The following COL15A1 variants were observed in gnomAD, a reference collection of about 807,000 sequenced individuals.
COL15A1 encodes the protein collagen alpha-1(XV) chain.
A neutral mutation model predicts 165.9 loss-of-function variants in COL15A1; 111 were observed. That is an observed-to-expected ratio of 0.67 (90% CI 0.57 to 0.78). The LOEUF is 0.78. Ranked by LOEUF, COL15A1 falls within the 30% of genes least tolerant of loss-of-function variation. The pLI, the probability that COL15A1 is intolerant of heterozygous loss-of-function variation, is 0.00. For synonymous variants in COL15A1, 659 were observed against 674.8 expected (o/e 0.98, Z 0.36); for missense variants, 1,745 against 1,789.7 (o/e 0.98, Z 0.45).
At position 99,022,131 on chromosome 9, in the gene COL15A1, C is replaced by T. The variant is rs1448015357; in HGVS notation, c.1742C>T (p.Ser581Phe). The T allele has an allele frequency of 5.0e-6, 8 of 1,613,980 alleles. No individual in the cohort carries two copies. Among genetic ancestry groups the T allele is most frequent in the African/African-American group, 2.7e-5 (2 of 74,896 alleles). ...GEELPGPPEP[S>F]GPVGPTAGAE... The stretch of plus-strand genomic sequence containing the variant: ...GAGCTTCCTGGCCCTCCTGAACCTT[C>T]TGGGCCTGTTGGACCCACGGTGAGA... The change falls in exon 13 of 42, where the codon TCT becomes TTT. Residue 581 changes from serine to phenylalanine, a missense_variant. Physicochemically the swap from Ser to Phe is radical, Grantham distance 155. Coordinates refer to ENST00000375001, the MANE Select transcript of COL15A1 (RefSeq NM_001855.5).
intron 16 of COL15A1, among the ~76,000 whole-genome samples, chr9:99,028,814 C>A (rs1017484818): frequency 6.6e-6 from 1 of 152,094 alleles, no homozygotes; most frequent in Non-Finnish European, 1.5e-5. Flanking sequence ...AACCAAATAC[C>A]ATCTGTTCCC....
At position 99,003,440 on chromosome 9, in the gene COL15A1, C is replaced by G. The variant is rs935466788; in HGVS notation, c.1066-13C>G. On this transcript the variant is annotated splice_polypyrimidine_tract_variant and intron_variant, in intron 7 of 41. Transcript: ENST00000375001. ...CCCAGAGACATGGTCTCTTGTGATG[C>G]CTTTGTTTTCAGAATTTAGCAGCAA... 2 of 1,477,522 alleles carry G rather than the reference C, an allele frequency of 1.4e-6. No individual in the cohort carries two copies. The highest frequency in any genetic ancestry group is 2.9e-5 in the South Asian group (2 of 69,888). 91.5% of individuals were successfully genotyped at this position (1,477,522 alleles called of 1,614,324 possible).
At chr9:99,024,441 C>G (rs748846821) in intron 14 of COL15A1, among the ~76,000 whole-genome samples, 9 of 151,920 alleles carry the variant, frequency 5.9e-5, no homozygotes, top group Non-Finnish European at 1.2e-4. Context: ...CCGGCCACCA[C>G]GCCCGGCTAA....
chr9:99,023,698 T>C (rs544947474), intron 14 of COL15A1, among the ~76,000 whole-genome samples: 2 of 152,318 alleles, frequency 1.3e-5, no homozygotes, highest in East Asian at 3.9e-4. Context: ...TCACCCCACC[T>C]TCTTCCTTTC....
chr9:99,047,045 C>T (rs1350220098), intron 26 of COL15A1, among the ~76,000 whole-genome samples: 1 of 152,180 alleles, frequency 6.6e-6, no homozygotes, highest in African/African-American at 2.4e-5. Context: ...ACACAGCAGA[C>T]CCAGCTACAG....
chr9:98,971,675 T>C (rs1175116476), intron 2 of COL15A1, among the ~76,000 whole-genome samples: 1 of 152,202 alleles, frequency 6.6e-6, no homozygotes, highest in Non-Finnish European at 1.5e-5. Flanking sequence ...AACCACTGCT[T>C]CTTCCTGAGA....
chr9:99,000,923 G>T lies in COL15A1; in HGVS notation c.1037G>T (p.Gly346Val). ...DPITDSGSGAGAFLDIAEEKN... is the reference protein window; with the variant it reads ...DPITDSGSGAVAFLDIAEEKN... ...ATTACTGACAGCGGCTCAGGGGCTG[G>T]GGCCTTCCTTGACATTGCTGAAGAA... The change falls in exon 7 of 42, where the codon GGG (glycine) becomes GTG (valine). Residue 346 changes from glycine (G) to valine (V), a missense_variant. By Grantham distance (109) the Gly-to-Val change is moderately radical. Coordinates refer to ENST00000375001, the MANE Select transcript of COL15A1 (RefSeq NM_001855.5). 1 of 1,581,744 alleles carries T rather than the reference G, an allele frequency of 6.3e-7. No homozygotes were observed. The highest frequency in any genetic ancestry group is 8.7e-7 in the Non-Finnish European group (1 of 1,150,448).
intron 5 of COL15A1, among the ~76,000 whole-genome samples, chr9:98,989,608 T>A (rs1237450954): frequency 6.6e-6 from 1 of 152,192 alleles, no homozygotes; most frequent in East Asian, 1.9e-4. Context: ...GAATGGTGAT[T>A]CTAATAGCCC....
intron 37 of COL15A1, 39 bp downstream of exon 37, chr9:99,062,138 A>G (rs1825826197): frequency 6.2e-7 from 1 of 1,610,896 alleles, no homozygotes; most frequent in Non-Finnish European, 8.5e-7. Flanking sequence ...GCCTTCAAAT[A>G]CCCTCTAAAA....
chr9:98,943,998 CCGCTA>C lies in COL15A1; in HGVS notation c.-63_-59del. 1 of 1,605,948 alleles carries C rather than the reference CCGCTA, an allele frequency of 6.2e-7. No individual in the cohort carries two copies. Among genetic ancestry groups the C allele is most frequent in the Non-Finnish European group, 8.5e-7 (1 of 1,174,448 alleles). The stretch of plus-strand genomic sequence containing the variant: ...CCAGCGCTCAGCGACCCTTCGTCCT[CCGCTA>C]AGCTCCAACGCTCTGCTCGACTAGC... On this transcript the variant is annotated 5_prime_UTR_variant, in exon 1 of 42. Transcript: ENST00000375001.
intron 14 of COL15A1, among the ~76,000 whole-genome samples, chr9:99,024,277 G>GTTTGTTTTTTTTTTTTTTTTTTTT: frequency 9.2e-6 from 1 of 108,628 alleles, no homozygotes; most frequent in East Asian, 3.7e-4. Flanking sequence ...AGTTTTTTTT[G>GTTTGTTTTTTTTTTTTTTTTTTTT]TTTTTTTGTT....
chr9:99,029,817 C>A (rs1053637033), intron 16 of COL15A1, among the ~76,000 whole-genome samples: 1 of 151,834 alleles, frequency 6.6e-6, no homozygotes, highest in African/African-American at 2.4e-5. Flanking sequence ...CCCAGCTACT[C>A]GGGAGGCTGA....
intron 16 of COL15A1, among the ~76,000 whole-genome samples, chr9:99,027,816 C>G (rs554475058): frequency 1.6e-4 from 24 of 152,312 alleles, no homozygotes; most frequent in African/African-American, 5.8e-4. Context: ...AAATTTGCAT[C>G]TGGAGAGCTG....
At position 99,070,479 on chromosome 9, in the gene COL15A1, A is replaced by G. The variant is rs1825968085; in HGVS notation, c.*593A>G. ...TGCTTTAGGAATTTTATATTTTTAC[A>G]CAATCATATTTTAGTATGGTGTCTG... On this transcript the variant is annotated 3_prime_UTR_variant, in exon 42 of 42. Coordinates refer to ENST00000375001, the MANE Select transcript of COL15A1 (RefSeq NM_001855.5). 3.8e-6 allele frequency: 1 copy of G among 260,800 alleles called. No individual in the cohort carries two copies. 16.2% of individuals were successfully genotyped at this position (260,800 alleles called of 1,614,324 possible).
At chr9:98,961,796 G>C (rs1355737988) in intron 2 of COL15A1, among the ~76,000 whole-genome samples, 1 of 152,230 alleles carries the variant, frequency 6.6e-6, no homozygotes, top group Non-Finnish European at 1.5e-5. Flanking sequence ...CTGCTTATCA[G>C]ACAGTGAATT....
chr9:99,066,741 T>C (rs940208978), intron 39 of COL15A1, 141 bp from the exon 40 acceptor site: 24 of 686,694 alleles, frequency 3.5e-5, no homozygotes, highest in African/African-American at 5.4e-5. Flanking sequence ...AATTCCAATG[T>C]CAGGGAGGGA....
At chr9:99,003,430 T>G (rs372688160) in intron 7 of COL15A1, 23 bp from the exon 8 acceptor site, 2 of 1,448,170 alleles carry the variant, frequency 1.4e-6, no homozygotes, top group African/African-American at 2.9e-5. Context: ...AGACATGGTC[T>G]CTTGTGATGC....
At position 98,983,721 on chromosome 9, in the gene COL15A1, G is replaced by A. The variant is rs538199431; in HGVS notation, c.101-1844G>A. Among the ~76,000 whole-genome samples the A allele has an allele frequency of 3.3e-5, 5 of 152,324 alleles. No homozygotes were observed. In the South Asian group the frequency reaches 1.0e-3, roughly 32 times the overall value. Reference sequence around the variant, plus strand: ...GGATATAATAAAAATAAAGAATAGCGAATGTTTGTTGCACTGCTACCATTA... The same window carrying A: ...GGATATAATAAAAATAAAGAATAGCAAATGTTTGTTGCACTGCTACCATTA... On this transcript the variant is annotated intron_variant, in intron 2 of 41. Coordinates refer to ENST00000375001, the MANE Select transcript of COL15A1 (RefSeq NM_001855.5).
intron 2 of COL15A1, among the ~76,000 whole-genome samples, chr9:98,952,208 G>A (rs1837700124): frequency 6.6e-6 from 1 of 152,162 alleles, no homozygotes. Context: ...AACTTACTAT[G>A]TTCTCTGTGG....
Sources: allele counts gnomAD v4.1 joint callset (sites outside exome capture counted in the v4.1 genomes callset), GRCh38; gene constraint gnomAD v4.1.1; transcripts MANE v1.5; gene names NCBI Gene and HGNC (gene_info 2026-07-23, HGNC 2026-07-21).